Variants in HIF3A observed in about 807,000 individuals in gnomAD.
HIF3A encodes hypoxia-inducible factor 3-alpha.
A neutral mutation model predicts 67.2 loss-of-function variants in HIF3A; 41 were observed. The observed-to-expected ratio is 0.61, with a 90% CI of 0.48 to 0.79. HIF3A has a LOEUF of 0.79. Ranked by LOEUF, HIF3A falls within the 30% of genes least tolerant of loss-of-function variation. HIF3A has a pLI of 0.00. For synonymous variants in HIF3A, 356 were observed against 374.8 expected (o/e 0.95, Z 0.58); for missense variants, 855 against 898.0 (o/e 0.95, Z 0.61).
intron 1 of HIF3A, among the ~76,000 whole-genome samples, chr19:46,300,796 G>A (rs1365144083): frequency 1.3e-5 from 2 of 152,154 alleles, no homozygotes; most frequent in Non-Finnish European, 2.9e-5. Flanking sequence ...TCTGTGTAAT[G>A]GGAAAGACCC....
intron 5 of HIF3A, 94 bp downstream of exon 5, chr19:46,308,869 A>G (rs757638): frequency 0.84 from 722,575 of 859,144 alleles, 304,424 homozygotes; most frequent in Non-Finnish European, 0.85. Flanking sequence ...GGCATCTCCT[A>G]GGCTGGGGAC....
chr19:46,298,177 T>C (rs1248231888), intron 1 of HIF3A: 5 of 298,462 alleles, frequency 1.7e-5, no homozygotes, highest in Admixed American at 9.2e-5. Context: ...TCAGGCCTGA[T>C]TGGATCCATG....
At chr19:46,339,280 A>C (rs2147337513) in intron 14 of HIF3A, among the ~76,000 whole-genome samples, 1 of 152,292 alleles carries the variant, frequency 6.6e-6, no homozygotes, top group East Asian at 1.9e-4. Context: ...ATAAAAAAAA[A>C]GTACAAAAAC....
chr19:46,337,837 A>ATGGT (rs1325743209), intron 14 of HIF3A, among the ~76,000 whole-genome samples: 11 of 152,312 alleles, frequency 7.2e-5, no homozygotes, highest in Non-Finnish European at 1.2e-4. Context: ...ATAACACTCC[A>ATGGT]TAATTACACA....
chr19:46,332,146 G>A (rs1286954698), intron 13 of HIF3A, among the ~76,000 whole-genome samples: 2 of 152,114 alleles, frequency 1.3e-5, no homozygotes, highest in Non-Finnish European at 2.9e-5. Context: ...TCCAGAAAGT[G>A]GGAATAGTTA....
chr19:46,330,062 A>AGGGC, intron 12 of HIF3A, among the ~76,000 whole-genome samples: 1 of 136,088 alleles, frequency 7.3e-6, no homozygotes, highest in African/African-American at 2.7e-5. Flanking sequence ...GGAGGGAGGG[A>AGGGC]GGGAAGGAAT....
chr19:46,337,124 G>C (rs754478500), intron 14 of HIF3A, among the ~76,000 whole-genome samples: 1 of 152,192 alleles, frequency 6.6e-6, no homozygotes, highest in Non-Finnish European at 1.5e-5. Flanking sequence ...GATCAGGGTG[G>C]TTTCATTGAG....
intron 1 of HIF3A, chr19:46,298,580 A>C (rs1601168020): frequency 1.7e-6 from 2 of 1,160,464 alleles, no homozygotes; most frequent in South Asian, 1.5e-5. Flanking sequence ...CTGCCATCCC[A>C]CTGTGGCCAA....
At chr19:46,332,365 C>T (rs1319269726) in intron 13 of HIF3A, among the ~76,000 whole-genome samples, 1 of 150,044 alleles carries the variant, frequency 6.7e-6, no homozygotes, top group Non-Finnish European at 1.5e-5. Context: ...AAGATGCTGT[C>T]TGTACAAAAA....
rs1967982393 is a variant in HIF3A at position 46,297,885 on chromosome 19, T to C, written c.26+783T>C. On this transcript the variant is annotated intron_variant, in intron 1 of 14. Transcript: ENST00000377670. This position sits in a 1 kb window ranked among gnomAD's most constrained non-coding sequence, Gnocchi z 4.5. ...CATCCAAGCTTTATTTTGGGGAGAC[T>C]CCATGGCAGGGTGCTGTGAGCCTGC... Among the ~76,000 whole-genome samples, 1 of 151,818 alleles carries C rather than the reference T, an allele frequency of 6.6e-6. No individual in the cohort carries two copies. The highest frequency in any genetic ancestry group is 2.4e-5 in the African/African-American group (1 of 41,316).
At chr19:46,314,701 C>T (rs1969776904) in intron 8 of HIF3A, among the ~76,000 whole-genome samples, 1 of 146,126 alleles carries the variant, frequency 6.8e-6, no homozygotes, top group Non-Finnish European at 1.5e-5. Flanking sequence ...GGGATTACAG[C>T]TGGGATTACA....
intron 6 of HIF3A, chr19:46,310,832 C>A: frequency 3.6e-6 from 1 of 276,390 alleles, no homozygotes; most frequent in South Asian, 3.0e-5. Context: ...CCCACTGCAA[C>A]GTCCACCTCC....
At chr19:46,309,401 C>A in intron 6 of HIF3A, 42 bp downstream of exon 6, 1 of 1,365,036 alleles carries the variant, frequency 7.3e-7, no homozygotes, top group Non-Finnish European at 1.0e-6. Context: ...AGTTCAAGTG[C>A]TGTTTCCCTC....
chr19:46,304,059 A>G lies in HIF3A; in HGVS notation c.188A>G (p.Tyr63Cys). Residue 63 changes from tyrosine (Y) to cysteine (C), a missense_variant, in exon 2 of 15, where the codon TAC (tyrosine) becomes TGC (cysteine). Tyr to Cys is a radical substitution (Grantham distance 194). This residue lies in a region of HIF3A where 638 missense variants were observed against 660.5 expected (regional missense o/e 0.97). Coordinates refer to ENST00000377670, the MANE Select transcript of HIF3A (RefSeq NM_152795.4). ...TCTATCATGCGCCTCACCATCAGCT[A>G]CCTGCGCATGCACCGCCTCTGCGCC... ...KASIMRLTIS[Y>C]LRMHRLCAAG... 1 of 1,579,646 alleles carries G rather than the reference A, an allele frequency of 6.3e-7. No individual in the cohort carries two copies. The highest frequency in any genetic ancestry group is 8.6e-7 in the Non-Finnish European group (1 of 1,163,862).
chr19:46,301,017 G>A (rs1420089133), intron 1 of HIF3A, among the ~76,000 whole-genome samples: 3 of 151,920 alleles, frequency 2.0e-5, no homozygotes, highest in Admixed American at 6.6e-5. Flanking sequence ...AGGCCCTCTC[G>A]CCCCCACCCT....
At chr19:46,338,512 T>C in intron 14 of HIF3A, 1 of 1,145,328 alleles carries the variant, frequency 8.7e-7, no homozygotes, top group South Asian at 1.8e-5. Context: ...AGTAAATATG[T>C]TTTGAATGAA....
intron 1 of HIF3A, chr19:46,298,244 G>C: frequency 2.4e-5 from 8 of 332,534 alleles, no homozygotes; most frequent in Middle Eastern, 1.2e-3. Context: ...CTCTATTCCA[G>C]GCCCTGGCTC....
rs1397208687 is a variant in HIF3A at position 46,341,986 on chromosome 19, A to G, written c.*2364A>G. 1 of 152,148 alleles carries G rather than the reference A, an allele frequency of 6.6e-6. No homozygotes were observed. The highest frequency in any genetic ancestry group is 2.4e-5 in the African/African-American group (1 of 41,428). The allele number at this position is 152,148 out of a possible 1,614,324, so 9.4% of individuals were successfully genotyped here. On this transcript the variant is annotated 3_prime_UTR_variant, in exon 15 of 15. Transcript: ENST00000377670. ...TAACCAGTTCTTCTAGAACCAGACGATGCTCTAGTTCTCCTAGATTCTGAA... is the reference window on the plus strand; with the variant it reads ...TAACCAGTTCTTCTAGAACCAGACGGTGCTCTAGTTCTCCTAGATTCTGAA...
At chr19:46,336,289 T>A (rs1568550268) in intron 14 of HIF3A, among the ~76,000 whole-genome samples, 1 of 151,934 alleles carries the variant, frequency 6.6e-6, no homozygotes, top group African/African-American at 2.4e-5. Flanking sequence ...AGACAGGGTT[T>A]CACCATGTTA....
Sources: gnomAD v4.1 joint callset for allele counts (sites outside exome capture counted in the v4.1 genomes callset) on GRCh38, gnomAD v4.1.1 for gene constraint, gnomAD v4.1.1 regional missense constraint, Gnocchi (gnomAD v3.1) non-coding constraint, MANE v1.5 for transcripts, NCBI Gene and HGNC (gene_info 2026-07-23, HGNC 2026-07-21) for gene names.